The following CAND2 variants were observed in gnomAD, a reference collection of about 807,000 sequenced individuals.
CAND2 encodes cullin-associated NEDD8-dissociated protein 2.
Under a neutral mutation model 98.9 loss-of-function variants are expected in CAND2, and 62 were observed. The observed-to-expected ratio is 0.63, with a 90% CI of 0.51 to 0.77. CAND2 has a LOEUF of 0.77. Among genes scored for constraint, CAND2 ranks in the 30% least tolerant of loss-of-function variants. CAND2 has a pLI of 0.00. For missense variants in CAND2, 1,501 were observed against 1,655.2 expected (o/e 0.91, Z 1.62); for synonymous variants, 770 against 731.9 (o/e 1.05, Z -0.84).
At position 12,807,391 on chromosome 3, in the gene CAND2, G is replaced by A; in HGVS notation, c.298G>A (p.Glu100Lys). ...GTGCACCAACATGCGGTCAGACAAG[G>A]AGCAGCTGCGAGACATTGCCGGCAT... is the stretch of plus-strand genomic sequence containing the variant. Reference protein sequence around the residue: ...TLCTNMRSDKEQLRDIAGIGL... With the variant: ...TLCTNMRSDKKQLRDIAGIGL... The change falls in exon 3 of 15, where the codon GAG (glutamate) becomes AAG (lysine). Residue 100 changes from glutamate (E) to lysine (K), a missense_variant. Glu to Lys is a moderately conservative substitution (Grantham distance 56). Around this residue, in one of 3 missense-constraint regions of CAND2, gnomAD observed 1,427 missense variants for 1,545.3 expected, o/e 0.92. Coordinates refer to ENST00000456430, the MANE Select transcript of CAND2 (RefSeq NM_001162499.2). The A allele has an allele frequency of 1.3e-6, 2 of 1,551,740 alleles. No individual in the cohort carries two copies. The highest frequency in any genetic ancestry group is 1.7e-6 in the Non-Finnish European group (2 of 1,146,982).
Position 12,815,462 on chromosome 3 carries a change from C to G in CAND2, c.1299+29C>G. The G allele has an allele frequency of 6.3e-7, 1 of 1,579,972 alleles. No individual in the cohort carries two copies. The highest frequency in any genetic ancestry group is 8.6e-7 in the Non-Finnish European group (1 of 1,158,156). ...GGCGTGCCTTCACCTCCACCCCTAC[C>G]CCCGATTTGCCTACCCAGCCACTCA... On this transcript the variant is annotated intron_variant, in intron 8 of 14. Transcript: ENST00000456430. The surrounding 1 kb of genome is among the most constrained non-coding windows in gnomAD (Gnocchi z 5.7).
chr3:12,831,437 C>T (rs199712788), intron 13 of CAND2, 28 bp from the exon 14 acceptor site: 9 of 1,590,154 alleles, frequency 5.7e-6, no homozygotes, highest in Non-Finnish European at 7.8e-6. Flanking sequence ...CACCATTTCA[C>T]TAAGAACCAT....
At chr3:12,806,047 G>T (rs892524807) in intron 2 of CAND2, among the ~76,000 whole-genome samples, 2 of 152,136 alleles carry the variant, frequency 1.3e-5, no homozygotes, top group Non-Finnish European at 2.9e-5. Context: ...AGAGAACCAA[G>T]GTTTGAAAAC....
At chr3:12,802,440 C>T (rs1236898574) in intron 1 of CAND2, among the ~76,000 whole-genome samples, 1 of 152,236 alleles carries the variant, frequency 6.6e-6, no homozygotes, top group African/African-American at 2.4e-5. Context: ...TGAGCACACA[C>T]CATGTGCACT....
intron 5 of CAND2, among the ~76,000 whole-genome samples, chr3:12,810,595 C>T (rs1298215297): frequency 6.6e-6 from 1 of 152,232 alleles, no homozygotes; most frequent in Non-Finnish European, 1.5e-5. Context: ...ACCCCCAGGC[C>T]TGAGCCCCTG....
intron 14 of CAND2, among the ~76,000 whole-genome samples, chr3:12,833,196 TGAGCTCCTCTGCCTAGGTAG>T (rs1436306014): frequency 2.6e-5 from 4 of 152,184 alleles, no homozygotes; most frequent in Non-Finnish European, 4.4e-5. Context: ...GAGGAATTAC[TGAGCTCCTCTGCCTAGGTAG>T]GAGATGGTGG....
intron 5 of CAND2, among the ~76,000 whole-genome samples, chr3:12,811,148 T>C (rs1415345667): frequency 6.6e-6 from 1 of 151,974 alleles, no homozygotes; most frequent in African/African-American, 2.4e-5. Flanking sequence ...CCAGCTGACA[T>C]GGCCACACCC....
At position 12,816,668 on chromosome 3, in the gene CAND2, G is replaced by T. The variant is rs763411636; in HGVS notation, c.1736G>T (p.Arg579Leu). The change falls in exon 10 of 15, where the codon CGT becomes CTT. Residue 579 changes from arginine (R) to leucine (L), a missense_variant. Physicochemically the swap from Arg to Leu is moderately radical, Grantham distance 102 (BLOSUM62 -2). This residue lies in a region of CAND2 where 1,427 missense variants were observed against 1,545.3 expected (regional missense o/e 0.92). Coordinates refer to ENST00000456430, the MANE Select transcript of CAND2 (RefSeq NM_001162499.2). Reference sequence around the variant, plus strand: ...TCTGCTGTCACCCTGGCGCGACTTCGTGCCACTGACCTGGACCAGGAGGTG... The same window carrying T: ...TCTGCTGTCACCCTGGCGCGACTTCTTGCCACTGACCTGGACCAGGAGGTG... The part of the protein sequence containing the change: ...EMSAVTLARL[R>L]ATDLDQEVKE... 3.1e-6 allele frequency: 5 copies of T among 1,613,664 alleles called. No individual in the cohort carries two copies. In the African/African-American group the frequency reaches 6.7e-5, roughly 22 times the overall value.
intron 5 of CAND2, among the ~76,000 whole-genome samples, chr3:12,811,997 C>T (rs988228961): frequency 2.0e-5 from 3 of 151,880 alleles, no homozygotes; most frequent in Non-Finnish European, 2.9e-5. Flanking sequence ...CTGTAACCTC[C>T]ACCTCCCAGG....
intron 13 of CAND2, among the ~76,000 whole-genome samples, chr3:12,828,886 T>C (rs1211465441): frequency 6.6e-6 from 1 of 152,232 alleles, no homozygotes; most frequent in African/African-American, 2.4e-5. Flanking sequence ...TCATCCATGT[T>C]GCAGCATGTC....
chr3:12,805,184 C>T (rs773681231), intron 2 of CAND2, among the ~76,000 whole-genome samples: 8 of 152,112 alleles, frequency 5.3e-5, no homozygotes, highest in Non-Finnish European at 1.0e-4. Flanking sequence ...CCTGCATCTA[C>T]ACGTGAACTC....
intron 7 of CAND2, 126 bp downstream of exon 7, chr3:12,813,514 C>T: frequency 1.1e-6 from 1 of 876,530 alleles, no homozygotes; most frequent in South Asian, 1.7e-5. Context: ...TCTCAAGCTC[C>T]AGTCCCACCC....
intron 1 of CAND2, among the ~76,000 whole-genome samples, chr3:12,797,823 A>G (rs928046873): frequency 6.6e-6 from 1 of 152,196 alleles, no homozygotes; most frequent in African/African-American, 2.4e-5. Flanking sequence ...TCTAATACAG[A>G]GGCCAAGATC....
intron 11 of CAND2, among the ~76,000 whole-genome samples, chr3:12,820,576 G>C (rs1031653454): frequency 2.0e-5 from 3 of 152,218 alleles, no homozygotes; most frequent in Non-Finnish European, 4.4e-5. Flanking sequence ...GCTTTTGCGG[G>C]CCCCAAAGTG....
chr3:12,816,458 C>T lies in CAND2; in HGVS notation c.1526C>T (p.Thr509Ile), dbSNP rs1215459548. The stretch of plus-strand genomic sequence containing the variant: ...GCCTTCTTGCAGGGGCTGCTGGGCA[C>T]CGAACCAGCTGAGGCCTTCCACCCA... ...ALAFLQGLLG[T>I]EPAEAFHPHL... The change falls in exon 10 of 15, where the codon ACC becomes ATC. Residue 509 changes from threonine (T) to isoleucine (I), a missense_variant. Thr to Ile is a moderately conservative substitution (Grantham distance 89). Coordinates refer to ENST00000456430, the MANE Select transcript of CAND2 (RefSeq NM_001162499.2). 3.1e-6 allele frequency: 5 copies of T among 1,613,940 alleles called. No individual in the cohort carries two copies. Among genetic ancestry groups the T allele is most frequent in the South Asian group, 1.1e-5 (1 of 91,082 alleles).
At chr3:12,818,928 A>G (rs2061932091) in intron 10 of CAND2, among the ~76,000 whole-genome samples, 1 of 152,128 alleles carries the variant, frequency 6.6e-6, no homozygotes, top group Non-Finnish European at 1.5e-5. Flanking sequence ...GCTTTGCCTA[A>G]ACACCTATTT....
At chr3:12,814,812 C>G (rs2061883121) in intron 7 of CAND2, among the ~76,000 whole-genome samples, 1 of 152,164 alleles carries the variant, frequency 6.6e-6, no homozygotes, top group African/African-American at 2.4e-5. Context: ...CCTAGTTTAA[C>G]TCCAAGTATT....
intron 11 of CAND2, 29 bp downstream of exon 11, chr3:12,820,210 T>A: frequency 6.5e-7 from 1 of 1,529,152 alleles, no homozygotes; most frequent in Non-Finnish European, 9.1e-7. Context: ...CCCCTCCACC[T>A]TGTTCAGTGC....
At chr3:12,797,772 C>CAT (rs2061736919) in intron 1 of CAND2, among the ~76,000 whole-genome samples, 1 of 80,470 alleles carries the variant, frequency 1.2e-5, no homozygotes, top group Non-Finnish European at 2.3e-5. Context: ...TAGGTTCAGT[C>CAT]ACAGCGAGGA....
Sources: gnomAD v4.1 joint callset for allele counts (sites outside exome capture counted in the v4.1 genomes callset) on GRCh38, gnomAD v4.1.1 for gene constraint, gnomAD v4.1.1 regional missense constraint, Gnocchi (gnomAD v3.1) non-coding constraint, MANE v1.5 for transcripts, NCBI Gene and HGNC (gene_info 2026-07-23, HGNC 2026-07-21) for gene names.